The following AGBL1 variants were observed in gnomAD, a reference collection of about 807,000 sequenced individuals.
AGBL1 encodes cytosolic carboxypeptidase 4.
In AGBL1, 130 loss-of-function variants were observed where a neutral mutation model predicts 118.9. The observed-to-expected ratio is 1.09, with a 90% CI of 0.95 to 1.26. AGBL1 has a LOEUF of 1.26. Ranked by LOEUF, AGBL1 falls within the 50% of genes most tolerant of loss-of-function variation. The pLI is 0.00. For missense variants in AGBL1, 1,584 were observed against 1,298.1 expected (o/e 1.22, Z -3.38); for synonymous variants, 555 against 478.9 (o/e 1.16, Z -2.08).
At chr15:87,011,273 A>C (rs1472837360) in intron 24 of AGBL1, among the ~76,000 whole-genome samples, 2 of 152,194 alleles carry the variant, frequency 1.3e-5, no homozygotes, top group African/African-American at 4.8e-5. Flanking sequence ...GAATGGTTGC[A>C]TGGAGAAGAG....
At chr15:86,677,962 T>G (rs2085879136) in intron 22 of AGBL1, among the ~76,000 whole-genome samples, 1 of 152,196 alleles carries the variant, frequency 6.6e-6, no homozygotes, top group African/African-American at 2.4e-5. Flanking sequence ...TGGCGAAATA[T>G]CCTAAATTAT....
intron 22 of AGBL1, among the ~76,000 whole-genome samples, chr15:86,739,547 T>C (rs2077648716): frequency 1.3e-5 from 2 of 148,612 alleles, no homozygotes; most frequent in South Asian, 2.1e-4. Flanking sequence ...ATTAGACATG[T>C]GAGAGTAACA....
intron 21 of AGBL1, among the ~76,000 whole-genome samples, chr15:86,559,082 C>T (rs1325609120): frequency 1.3e-5 from 2 of 152,120 alleles, no homozygotes; most frequent in African/African-American, 2.4e-5. Context: ...ACAATTTCTT[C>T]CTTTCTTGTC....
At chr15:86,493,839 C>T (rs915821755) in intron 18 of AGBL1, among the ~76,000 whole-genome samples, 3 of 152,044 alleles carry the variant, frequency 2.0e-5, no homozygotes, top group Non-Finnish European at 4.4e-5. Flanking sequence ...GTCCTACACT[C>T]AAACATCCCC....
At chr15:86,798,519 G>A (rs2078605495) in intron 22 of AGBL1, among the ~76,000 whole-genome samples, 1 of 151,858 alleles carries the variant, frequency 6.6e-6, no homozygotes, top group African/African-American at 2.4e-5. Context: ...ACTAAGATTG[G>A]TTAGTAACCT....
intron 15 of AGBL1, among the ~76,000 whole-genome samples, chr15:86,274,155 A>G (rs1013329403): frequency 6.6e-6 from 1 of 152,228 alleles, no homozygotes; most frequent in African/African-American, 2.4e-5. Flanking sequence ...GATGAAATAA[A>G]TAATAGTTTA....
At chr15:86,710,079 G>A (rs538941478) in intron 22 of AGBL1, among the ~76,000 whole-genome samples, 35 of 152,266 alleles carry the variant, frequency 2.3e-4, no homozygotes, top group African/African-American at 7.0e-4. Flanking sequence ...ATTTGGAGGG[G>A]ATGTGCTAGA....
At chr15:86,381,731 A>G (rs904880638) in intron 17 of AGBL1, among the ~76,000 whole-genome samples, 7 of 152,110 alleles carry the variant, frequency 4.6e-5, no homozygotes, top group African/African-American at 1.7e-4. Flanking sequence ...TCAAGAAGAG[A>G]GGGCGTGAGA....
At chr15:86,929,967 C>G (rs1053391650) in intron 23 of AGBL1, among the ~76,000 whole-genome samples, 1 of 152,124 alleles carries the variant, frequency 6.6e-6, no homozygotes, top group Non-Finnish European at 1.5e-5. Context: ...CTTTGGCTGG[C>G]TAATATTTTG....
chr15:86,667,401 C>T (rs2085666610), intron 21 of AGBL1, among the ~76,000 whole-genome samples: 1 of 151,934 alleles, frequency 6.6e-6, no homozygotes, highest in Non-Finnish European at 1.5e-5. Flanking sequence ...ATGTGGTTTG[C>T]ATTCAATGTT....
At chr15:86,645,361 T>C (rs1305132590) in intron 21 of AGBL1, among the ~76,000 whole-genome samples, 1 of 152,248 alleles carries the variant, frequency 6.6e-6, no homozygotes, top group African/African-American at 2.4e-5. Context: ...CATTGTATTG[T>C]TCTTTCAGCT....
intron 15 of AGBL1, among the ~76,000 whole-genome samples, chr15:86,276,123 G>A (rs2079246888): frequency 6.6e-6 from 1 of 152,068 alleles, no homozygotes; most frequent in Non-Finnish European, 1.5e-5. Context: ...CATAGTATAT[G>A]GATCATTTTA....
At chr15:86,152,670 C>T (rs998752403) in intron 3 of AGBL1, among the ~76,000 whole-genome samples, 1 of 152,140 alleles carries the variant, frequency 6.6e-6, no homozygotes, top group Non-Finnish European at 1.5e-5. Context: ...CACATGGGAT[C>T]TAATTAAACT....
intron 17 of AGBL1, among the ~76,000 whole-genome samples, chr15:86,341,662 C>G (rs938057128): frequency 6.6e-6 from 1 of 152,062 alleles, no homozygotes; most frequent in Non-Finnish European, 1.5e-5. Flanking sequence ...GTATCATTCT[C>G]GGGCACTACA....
At chr15:86,493,872 A>T (rs918338234) in intron 18 of AGBL1, among the ~76,000 whole-genome samples, 1 of 151,922 alleles carries the variant, frequency 6.6e-6, no homozygotes, top group Non-Finnish European at 1.5e-5. Context: ...CCCTCCCCTG[A>T]CTGCCCCGAC....
chr15:86,170,444 G>A (rs2077398339), intron 5 of AGBL1, among the ~76,000 whole-genome samples: 1 of 151,860 alleles, frequency 6.6e-6, no homozygotes, highest in African/African-American at 2.4e-5. Flanking sequence ...AATATTTGAG[G>A]AAATAAAGGC....
chr15:86,190,931 A>T (rs746554270), intron 5 of AGBL1, among the ~76,000 whole-genome samples: 18 of 152,142 alleles, frequency 1.2e-4, no homozygotes, highest in Non-Finnish European at 2.2e-4. Context: ...ATTTCCTACA[A>T]CTGCTTTGCA....
intron 21 of AGBL1, among the ~76,000 whole-genome samples, chr15:86,556,745 A>C (rs1239210043): frequency 6.6e-6 from 1 of 152,196 alleles, no homozygotes; most frequent in Non-Finnish European, 1.5e-5. Flanking sequence ...TTATTATTCT[A>C]AGGTCATCTT....
chr15:86,130,598 A>G (rs1282657428), intron 1 of AGBL1, among the ~76,000 whole-genome samples: 1 of 152,210 alleles, frequency 6.6e-6, no homozygotes, highest in Non-Finnish European at 1.5e-5. Flanking sequence ...GAAACACCTG[A>G]GTAAGAGAGA....
Sources: gnomAD v4.1 joint callset for allele counts (sites outside exome capture counted in the v4.1 genomes callset) on GRCh38, gnomAD v4.1.1 for gene constraint, MANE v1.5 for transcripts, NCBI Gene and HGNC (gene_info 2026-07-23, HGNC 2026-07-21) for gene names.